The following BCAR3 variants were observed in gnomAD, a reference collection of about 807,000 sequenced individuals.
BCAR3 encodes BCAR3 adaptor protein, NSP family member, also known as breast cancer anti-estrogen resistance protein 3.
Under a neutral mutation model 80.1 loss-of-function variants are expected in BCAR3, and 37 were observed. The ratio of observed to expected loss-of-function variants is 0.46; its 90% CI spans 0.36 to 0.61. The LOEUF is 0.61. Among genes scored for constraint, BCAR3 ranks in the 20% least tolerant of loss-of-function variants. BCAR3 has a pLI of 0.00. For synonymous variants in BCAR3, 389 were observed against 418.9 expected (o/e 0.93, Z 0.87); for missense variants, 978 against 1,068.2 (o/e 0.92, Z 1.18).
chr1:93,730,566 G>T (rs927330576), intron 2 of BCAR3, among the ~76,000 whole-genome samples: 1 of 152,144 alleles, frequency 6.6e-6, no homozygotes, highest in African/African-American at 2.4e-5. Flanking sequence ...CCTGTACTCT[G>T]CATATCCAAA....
At chr1:93,611,000 G>A (rs964806228) in intron 3 of BCAR3, among the ~76,000 whole-genome samples, 1 of 152,056 alleles carries the variant, frequency 6.6e-6, no homozygotes, top group African/African-American at 2.4e-5. Context: ...AATGATTCTG[G>A]GCGGGCTGTT....
intron 9 of BCAR3, among the ~76,000 whole-genome samples, chr1:93,568,913 C>T (rs932356675): frequency 1.3e-5 from 2 of 152,180 alleles, no homozygotes; most frequent in African/African-American, 2.4e-5. Context: ...GCCTCAACCT[C>T]CCAGGCTCAG....
At chr1:93,748,885 C>T (rs778405802) in intron 2 of BCAR3, among the ~76,000 whole-genome samples, 1 of 152,162 alleles carries the variant, frequency 6.6e-6, no homozygotes, top group East Asian at 1.9e-4. Context: ...GTGTCCTATG[C>T]TTCTTTTAGC....
chr1:93,809,718 A>G (rs1557695329), intron 2 of BCAR3, among the ~76,000 whole-genome samples: 1 of 149,814 alleles, frequency 6.7e-6, no homozygotes, highest in Non-Finnish European at 1.5e-5. Flanking sequence ...CAGCAAGCCT[A>G]GATAGCGCCT....
intron 2 of BCAR3, among the ~76,000 whole-genome samples, chr1:93,715,896 G>A (rs533603371): frequency 2.6e-5 from 4 of 152,306 alleles, no homozygotes; most frequent in South Asian, 2.1e-4. Context: ...ACCTTAATGC[G>A]TTTGAGTAGC....
intron 2 of BCAR3, among the ~76,000 whole-genome samples, chr1:93,772,739 G>A (rs1269486487): frequency 6.6e-6 from 1 of 152,062 alleles, no homozygotes; most frequent in Non-Finnish European, 1.5e-5. Flanking sequence ...CTGAGTAGCT[G>A]GAACTACAGG....
intron 2 of BCAR3, among the ~76,000 whole-genome samples, chr1:93,672,956 C>T (rs538970809): frequency 6.6e-6 from 1 of 152,344 alleles, no homozygotes; most frequent in African/African-American, 2.4e-5. Context: ...AGCCACAGGC[C>T]ATTCCAGTTC....
At chr1:93,741,197 C>T (rs923385186) in intron 2 of BCAR3, among the ~76,000 whole-genome samples, 2 of 152,228 alleles carry the variant, frequency 1.3e-5, no homozygotes, top group Non-Finnish European at 2.9e-5. Flanking sequence ...TAGGCCCCAA[C>T]ATCCCAATGA....
Position 93,642,361 on chromosome 1 carries a change from A to G in BCAR3, c.318-18T>C. The G allele has an allele frequency of 6.2e-7, 1 of 1,606,642 alleles. No homozygotes were observed. The highest frequency in any genetic ancestry group is 8.5e-7 in the Non-Finnish European group (1 of 1,173,136). On this transcript the variant is annotated intron_variant, in intron 2 of 11. Transcript: ENST00000260502. ...GTGGATCCCTGAAAAGAGAAAATAT[A>G]AATATGAGAATGGTTGGGAACGATG...
chr1:93,643,255 G>A (rs236264), intron 2 of BCAR3, among the ~76,000 whole-genome samples: 1,920 of 149,960 alleles, frequency 0.013, 38 homozygotes, highest in African/African-American at 0.043. Flanking sequence ...CAGGCGTGGT[G>A]GCTCATGCTT....
chr1:93,764,537 A>G (rs12140496), intron 2 of BCAR3, among the ~76,000 whole-genome samples: 17,617 of 151,784 alleles, frequency 0.12, 1,433 homozygotes, highest in African/African-American at 0.22. Flanking sequence ...TCTCACAGTC[A>G]CATCTCTGCT....
chr1:93,672,117 T>C (rs1200357190), intron 2 of BCAR3, among the ~76,000 whole-genome samples: 1 of 152,010 alleles, frequency 6.6e-6, no homozygotes. Flanking sequence ...AAACCAGGAG[T>C]GCTTGTTAAG....
At chr1:93,580,742 T>C (rs1673669693) in intron 7 of BCAR3, among the ~76,000 whole-genome samples, 1 of 152,216 alleles carries the variant, frequency 6.6e-6, no homozygotes, top group African/African-American at 2.4e-5. Flanking sequence ...TGCTAGCCAC[T>C]GAAGGTCCTA....
intron 2 of BCAR3, among the ~76,000 whole-genome samples, chr1:93,816,400 G>A (rs1654016823): frequency 1.3e-5 from 2 of 152,132 alleles, no homozygotes; most frequent in South Asian, 2.1e-4. Context: ...TGGGCTGGGC[G>A]CAGTGGCTCA....
chr1:93,608,070 C>T (rs560427622), intron 3 of BCAR3, among the ~76,000 whole-genome samples: 1 of 152,342 alleles, frequency 6.6e-6, no homozygotes, highest in South Asian at 2.1e-4. Flanking sequence ...AGATTTTACT[C>T]ATCAGTCCTT....
chr1:93,619,761 C>G (rs961971025), intron 3 of BCAR3, among the ~76,000 whole-genome samples: 3 of 152,202 alleles, frequency 2.0e-5, no homozygotes, highest in Admixed American at 2.0e-4. Flanking sequence ...CTCTGTCTCA[C>G]AAGCACCTCT....
rs112891311 is a variant in BCAR3 at position 93,610,888 on chromosome 1, G to A, written c.358-18495C>T. On this transcript the variant is annotated intron_variant, in intron 3 of 11. Coordinates refer to ENST00000260502, the MANE Select transcript of BCAR3 (RefSeq NM_003567.4). Reference sequence around the variant, plus strand: ...GGAGGTTGTAGTGAGCCGAGATCACGCCATTGCACTCCAGCCTGGGCAACT... The same window carrying A: ...GGAGGTTGTAGTGAGCCGAGATCACACCATTGCACTCCAGCCTGGGCAACT... 7.9e-3 allele frequency among the ~76,000 whole-genome samples: 1,206 copies of A among 151,802 alleles called. 16 individuals are homozygous for A. The highest frequency in any genetic ancestry group is 0.028 in the African/African-American group (1,145 of 41,318).
intron 2 of BCAR3, among the ~76,000 whole-genome samples, chr1:93,651,239 T>G (rs894999714): frequency 2.6e-5 from 4 of 152,160 alleles, no homozygotes; most frequent in African/African-American, 9.7e-5. Context: ...AATATTCCGT[T>G]TAGGCACAGC....
chr1:93,643,605 A>G (rs1284904365), intron 2 of BCAR3, among the ~76,000 whole-genome samples: 2 of 151,658 alleles, frequency 1.3e-5, no homozygotes, highest in South Asian at 2.1e-4. Flanking sequence ...GAGAGAGAAT[A>G]AAACAGTAGT....
Sources: gnomAD v4.1 joint callset for allele counts (sites outside exome capture counted in the v4.1 genomes callset) on GRCh38, gnomAD v4.1.1 for gene constraint, MANE v1.5 for transcripts, NCBI Gene and HGNC (gene_info 2026-07-23, HGNC 2026-07-21) for gene names.